The following COL25A1 variants were observed in gnomAD, a reference collection of about 807,000 sequenced individuals.
COL25A1 encodes the protein collagen alpha-1(XXV) chain.
COL25A1 carries 103 observed loss-of-function variants against 128.4 expected under a neutral mutation model. The ratio of observed to expected loss-of-function variants is 0.80; its 90% CI spans 0.68 to 0.94. The LOEUF is 0.94. COL25A1 is among the 40% of genes least tolerant of loss of function. The pLI is 0.00. For synonymous variants in COL25A1, 279 were observed against 277.2 expected, an observed-to-expected ratio of 1.01 and a Z score of -0.06; for missense variants, 745 against 840.0, an observed-to-expected ratio of 0.89 and a Z score of 1.40.
At chr4:109,131,871 C>G (rs1560743059) in intron 3 of COL25A1, among the ~76,000 whole-genome samples, 2 of 152,174 alleles carry the variant, frequency 1.3e-5, no homozygotes, top group South Asian at 2.1e-4. Context: ...ACGATGTCAG[C>G]ACACTCACCA....
At chr4:109,233,561 C>T (rs1228855603) in intron 3 of COL25A1, among the ~76,000 whole-genome samples, 2 of 151,330 alleles carry the variant, frequency 1.3e-5, no homozygotes, top group Admixed American at 6.6e-5. Context: ...ACTGGAAGAA[C>T]AGATTCAAAA....
intron 8 of COL25A1, among the ~76,000 whole-genome samples, chr4:108,968,099 C>A (rs1259511773): frequency 1.3e-5 from 2 of 152,112 alleles, no homozygotes; most frequent in African/African-American, 4.8e-5. Flanking sequence ...GCGGGAAGTA[C>A]AATTCTTATG....
chr4:109,162,477 T>A (rs1772670332), intron 3 of COL25A1, among the ~76,000 whole-genome samples: 1 of 152,186 alleles, frequency 6.6e-6, no homozygotes, highest in Non-Finnish European at 1.5e-5. Flanking sequence ...GTCCATCAGC[T>A]TGTTTTGTTT....
chr4:109,221,915 G>A (rs908876254), intron 3 of COL25A1, among the ~76,000 whole-genome samples: 1 of 152,048 alleles, frequency 6.6e-6, no homozygotes, highest in Non-Finnish European at 1.5e-5. Flanking sequence ...TGTTGCTGTT[G>A]TAATAACTCC....
At chr4:108,978,809 A>G (rs913774591) in intron 6 of COL25A1, among the ~76,000 whole-genome samples, 1 of 152,216 alleles carries the variant, frequency 6.6e-6, no homozygotes, top group African/African-American at 2.4e-5. Flanking sequence ...TAAAATTAGC[A>G]GTCATAGGGA....
intron 21 of COL25A1, 137 bp downstream of exon 21, chr4:108,863,182 C>G (rs769655503): frequency 2.6e-5 from 21 of 798,452 alleles, no homozygotes; most frequent in Non-Finnish European, 4.0e-5. Flanking sequence ...TTGAAAAGAA[C>G]CAGTTGGTGT....
chr4:109,260,028 G>C (rs1363165958), intron 3 of COL25A1, among the ~76,000 whole-genome samples: 1 of 152,206 alleles, frequency 6.6e-6, no homozygotes, highest in African/African-American at 2.4e-5. Flanking sequence ...TGGAGAGCTA[G>C]AATTCCCATT....
intron 36 of COL25A1, among the ~76,000 whole-genome samples, chr4:108,818,309 C>T (rs1360969260): frequency 6.6e-6 from 1 of 151,970 alleles, no homozygotes. Flanking sequence ...AATATAAATA[C>T]AATCTCTTAA....
intron 8 of COL25A1, among the ~76,000 whole-genome samples, chr4:108,954,915 A>G (rs1315998814): frequency 6.6e-6 from 1 of 152,058 alleles, no homozygotes; most frequent in East Asian, 1.9e-4. Context: ...CAATAGCCCA[A>G]TTTACAAACT....
chr4:109,263,612 G>A (rs993443779), intron 3 of COL25A1, among the ~76,000 whole-genome samples: 5 of 152,080 alleles, frequency 3.3e-5, no homozygotes, highest in African/African-American at 1.2e-4. Context: ...AGCTCTGTTC[G>A]CTTGGAAATT....
In COL25A1 at chr4:108,859,698, A is replaced by C; in HGVS notation, c.1278T>G (p.Thr426=). 1 of 1,613,886 alleles carries C rather than the reference A, an allele frequency of 6.2e-7. No individual in the cohort carries two copies. Among genetic ancestry groups the C allele is most frequent in the Non-Finnish European group, 8.5e-7 (1 of 1,179,906 alleles). The part of the protein sequence containing the change: ...PPGQKGDQGA[T]EIIDYNGNLH... ...GGTTGCCGTTGTAGTCTATGATCTC[A>C]GTGGCTCCTTGATCCCCTTTTTGAC... Residue 426 remains threonine, a synonymous_variant, in exon 24 of 38, where the codon ACT becomes ACG. Transcript: ENST00000399132.
At chr4:109,109,389 G>A (rs1031675664) in intron 3 of COL25A1, among the ~76,000 whole-genome samples, 1 of 151,982 alleles carries the variant, frequency 6.6e-6, no homozygotes, top group Non-Finnish European at 1.5e-5. Context: ...CTCTTTTCAT[G>A]TCTACCACCA....
At chr4:109,274,490 T>C (rs113217103) in intron 3 of COL25A1, among the ~76,000 whole-genome samples, 5 of 152,260 alleles carry the variant, frequency 3.3e-5, no homozygotes, top group African/African-American at 1.2e-4. Context: ...GAATAGCTAA[T>C]AAAGAGTCTT....
chr4:109,128,169 C>G (rs1768812971), intron 3 of COL25A1, among the ~76,000 whole-genome samples: 3 of 152,116 alleles, frequency 2.0e-5, no homozygotes, highest in African/African-American at 4.8e-5. Context: ...TTTGTAGAAA[C>G]TAAAACTAAC....
intron 6 of COL25A1, among the ~76,000 whole-genome samples, chr4:108,977,692 G>A (rs1752570831): frequency 6.6e-6 from 1 of 152,176 alleles, no homozygotes; most frequent in African/African-American, 2.4e-5. Context: ...AGCACTGGGG[G>A]AACATATATG....
chr4:108,832,911 G>A (rs1193181369), intron 31 of COL25A1, among the ~76,000 whole-genome samples: 1 of 151,290 alleles, frequency 6.6e-6, no homozygotes, highest in Non-Finnish European at 1.5e-5. Context: ...AGACTGTAGT[G>A]AGCCAAGATC....
chr4:108,974,594 A>C, intron 6 of COL25A1, 35 bp from the exon 7 acceptor site: 2 of 1,544,960 alleles, frequency 1.3e-6, no homozygotes, highest in South Asian at 2.4e-5. Context: ...ATTTTAATTA[A>C]AAAAAGATAT....
chr4:109,027,475 C>T (rs1181147895), intron 5 of COL25A1, among the ~76,000 whole-genome samples: 1 of 151,898 alleles, frequency 6.6e-6, no homozygotes, highest in African/African-American at 2.4e-5. Flanking sequence ...AAGAACTTGG[C>T]TTTTAATCAG....
chr4:109,069,882 T>C (rs1290227539), intron 3 of COL25A1, among the ~76,000 whole-genome samples: 1 of 151,868 alleles, frequency 6.6e-6, no homozygotes, highest in Admixed American at 6.6e-5. Context: ...TTACCTTAAA[T>C]AGCTAAATAT....
Sources: allele counts gnomAD v4.1 joint callset (sites outside exome capture counted in the v4.1 genomes callset), GRCh38; gene constraint gnomAD v4.1.1; transcripts MANE v1.5; gene names NCBI Gene and HGNC (gene_info 2026-07-23, HGNC 2026-07-21).